Variants in EBPL observed in about 807,000 individuals in gnomAD.
The protein encoded by EBPL is emopamil-binding protein-like.
Under a neutral mutation model 19.0 loss-of-function variants are expected in EBPL, and 20 were observed. The ratio of observed to expected loss-of-function variants is 1.05; its 90% confidence interval spans 0.74 to 1.53. The LOEUF is 1.53. EBPL is among the 40% of genes most tolerant of loss of function. The probability of loss-of-function intolerance (pLI) is 0.00; values close to 1 mark genes in which losing one functional copy is unlikely to be tolerated. For missense variants in EBPL, 219 were observed against 261.1 expected (o/e 0.84, Z 1.11); for synonymous variants, 107 against 117.0 (o/e 0.91, Z 0.55).
intron 3 of EBPL, chr13:49,661,724 T>G (rs1466904561): frequency 6.9e-7 from 1 of 1,452,286 alleles, no homozygotes; most frequent in East Asian, 2.5e-5. Context: ...ACCAGCGTCA[T>G]GGAGTGAAAA....
At chr13:49,668,538 T>C (rs1008445223) in intron 2 of EBPL, 58 of 348,058 alleles carry the variant, frequency 1.7e-4, no homozygotes, top group African/African-American at 1.2e-3. Flanking sequence ...GGTGCCACTG[T>C]GCTCCAGCCT....
intron 1 of EBPL, among the ~76,000 whole-genome samples, chr13:49,679,540 C>T (rs1953919765): frequency 6.6e-6 from 1 of 152,164 alleles, no homozygotes; most frequent in African/African-American, 2.4e-5. Flanking sequence ...TGTTCTGTCA[C>T]CCAGGCTGGA....
chr13:49,661,743 AG>A, intron 3 of EBPL: 1 of 1,469,834 alleles, frequency 6.8e-7, no homozygotes, highest in East Asian at 2.5e-5. Flanking sequence ...AAATACGTCA[AG>A]GTACCAAGGA....
At chr13:49,690,589 A>G (rs982417517) in intron 1 of EBPL, among the ~76,000 whole-genome samples, 1 of 152,148 alleles carries the variant, frequency 6.6e-6, no homozygotes, top group Non-Finnish European at 1.5e-5. Context: ...CTAAGGACAC[A>G]TATTTCCTAA....
intron 1 of EBPL, among the ~76,000 whole-genome samples, chr13:49,688,469 C>T (rs555197730): frequency 6.6e-6 from 1 of 152,286 alleles, no homozygotes; most frequent in East Asian, 1.9e-4. Context: ...CCTGTAATCC[C>T]AGCACTTTGG....
At chr13:49,671,025 T>C (rs1234615878) in intron 1 of EBPL, among the ~76,000 whole-genome samples, 1 of 152,254 alleles carries the variant, frequency 6.6e-6, no homozygotes, top group African/African-American at 2.4e-5. Flanking sequence ...GCATTTACAA[T>C]GTTGTGATTA....
At chr13:49,685,082 G>C (rs533251253) in intron 1 of EBPL, among the ~76,000 whole-genome samples, 1 of 151,950 alleles carries the variant, frequency 6.6e-6, no homozygotes, top group Non-Finnish European at 1.5e-5. Context: ...ATTTTTGTAC[G>C]CACCTGGTCA....
At chr13:49,671,893 A>G (rs1202155749) in intron 1 of EBPL, among the ~76,000 whole-genome samples, 1 of 152,260 alleles carries the variant, frequency 6.6e-6, no homozygotes, top group Non-Finnish European at 1.5e-5. Flanking sequence ...AATCAGTAAC[A>G]TGCAGGAACC....
At chr13:49,662,935 C>T (rs1011309442) in intron 3 of EBPL, 122 bp downstream of exon 3, 1 of 1,338,432 alleles carries the variant, frequency 7.5e-7, no homozygotes, top group Non-Finnish European at 1.0e-6. Flanking sequence ...CGCGCCCAGC[C>T]TCTATTCTTC....
At chr13:49,681,837 T>G (rs1953946378) in intron 1 of EBPL, among the ~76,000 whole-genome samples, 1 of 152,234 alleles carries the variant, frequency 6.6e-6, no homozygotes, top group Admixed American at 6.5e-5. Flanking sequence ...TTTTGTTGTA[T>G]GTTTGAATGA....
In EBPL at chr13:49,669,855, G is replaced by A. The variant is rs1269417247; in HGVS notation, c.172-9C>T. 1.9e-6 allele frequency: 3 copies of A among 1,610,588 alleles called. No individual in the cohort carries two copies. The highest frequency in any genetic ancestry group is 1.3e-5 in the African/African-American group (1 of 74,928). On this transcript the variant is annotated splice_polypyrimidine_tract_variant and intron_variant, in intron 1 of 3. Transcript: ENST00000242827. The stretch of plus-strand genomic sequence containing the variant: ...TAGACAAAAGGGCCTTCCTAGAGAG[G>A]AGAAAATGAAGACATGCTCTAATAC...
At chr13:49,691,075 G>A (rs1954057885) in intron 1 of EBPL, among the ~76,000 whole-genome samples, 179 bp downstream of exon 1, 1 of 152,228 alleles carries the variant, frequency 6.6e-6, no homozygotes, top group Admixed American at 6.5e-5. Flanking sequence ...TCACAGACCT[G>A]GGAATCAGAA....
chr13:49,688,635 C>G (rs995187749), intron 1 of EBPL, among the ~76,000 whole-genome samples: 3 of 146,920 alleles, frequency 2.0e-5, no homozygotes, highest in African/African-American at 7.6e-5. Context: ...AGGAGAATGG[C>G]GTGAACCCGA....
intron 1 of EBPL, among the ~76,000 whole-genome samples, chr13:49,670,753 C>A (rs974330137): frequency 6.6e-6 from 1 of 152,188 alleles, no homozygotes; most frequent in African/African-American, 2.4e-5. Context: ...ATTACTTACA[C>A]AAATTTGTAA....
At chr13:49,690,153 A>C (rs1411049341) in intron 1 of EBPL, among the ~76,000 whole-genome samples, 1 of 138,962 alleles carries the variant, frequency 7.2e-6, no homozygotes, top group African/African-American at 2.6e-5. Flanking sequence ...CTGTCTCAAG[A>C]ACAACAACAA....
At chr13:49,689,172 G>A (rs1354267437) in intron 1 of EBPL, among the ~76,000 whole-genome samples, 8 of 152,334 alleles carry the variant, frequency 5.3e-5, no homozygotes, top group Admixed American at 4.6e-4. Context: ...AAGGTATGGT[G>A]TATTCACACA....
intron 1 of EBPL, among the ~76,000 whole-genome samples, chr13:49,690,519 T>C (rs1180851787): frequency 1.3e-5 from 2 of 151,420 alleles, no homozygotes. Flanking sequence ...GGGCGGGGCA[T>C]TTCAATATAA....
In EBPL at chr13:49,663,206, A is replaced by G; in HGVS notation, c.242-11T>C. On this transcript the variant is annotated splice_polypyrimidine_tract_variant and intron_variant, in intron 2 of 3. Coordinates refer to ENST00000242827, the MANE Select transcript of EBPL (RefSeq NM_032565.5). ...TGCCATATTCTTTCCCTAAAGACAAAATCCATGTTGTTACTCAAATGGCAA... is the reference window on the plus strand; with the variant it reads ...TGCCATATTCTTTCCCTAAAGACAAGATCCATGTTGTTACTCAAATGGCAA... 1 of 1,613,082 alleles carries G rather than the reference A, an allele frequency of 6.2e-7. No individual in the cohort carries two copies. Among genetic ancestry groups the G allele is most frequent in the Non-Finnish European group, 8.5e-7 (1 of 1,179,082 alleles).
At chr13:49,677,310 C>T (rs1000182295) in intron 1 of EBPL, among the ~76,000 whole-genome samples, 8 of 152,200 alleles carry the variant, frequency 5.3e-5, no homozygotes, top group Non-Finnish European at 1.2e-4. Flanking sequence ...CCACGTCAAT[C>T]CTGCTGCATC....
Sources: gnomAD v4.1 joint callset for allele counts (sites outside exome capture counted in the v4.1 genomes callset) on GRCh38, gnomAD v4.1.1 for gene constraint, MANE v1.5 for transcripts, NCBI Gene and HGNC (gene_info 2026-07-23, HGNC 2026-07-21) for gene names.